ROBO2: variants seen among roughly 807,000 people sequenced by gnomAD.
ROBO2 encodes roundabout homolog 2.
Under a neutral mutation model 160.8 loss-of-function variants are expected in ROBO2, and 53 were observed. The ratio of observed to expected loss-of-function variants is 0.33; its 90% CI spans 0.26 to 0.41. ROBO2 has a LOEUF of 0.41. ROBO2 is among the 10% of genes least tolerant of loss of function. The pLI is 1.00. For synonymous variants in ROBO2, 664 were observed against 611.7 expected, an observed-to-expected ratio of 1.09 and a Z score of -1.26; for missense variants, 1,577 against 1,722.4, an observed-to-expected ratio of 0.92 and a Z score of 1.49.
intron 2 of ROBO2, among the ~76,000 whole-genome samples, chr3:77,461,302 G>A (rs1287779259): frequency 1.3e-5 from 2 of 151,752 alleles, no homozygotes; most frequent in African/African-American, 4.8e-5. Context: ...TTACCTCTCA[G>A]TATGCATTTT....
intron 2 of ROBO2, among the ~76,000 whole-genome samples, chr3:77,424,291 G>C (rs2077979348): frequency 6.6e-6 from 1 of 152,156 alleles, no homozygotes; most frequent in South Asian, 2.1e-4. Context: ...GAGAATGTGA[G>C]TAGGATGGTA....
chr3:76,770,134 A>C (rs1353674034), intron 2 of ROBO2, among the ~76,000 whole-genome samples: 1 of 151,460 alleles, frequency 6.6e-6, no homozygotes, highest in East Asian at 2.0e-4. Context: ...TTTAGACTGA[A>C]CATTATTCTG....
chr3:76,194,363 T>TATATATAC (rs1553672764), intron 2 of ROBO2, among the ~76,000 whole-genome samples: 22 of 118,636 alleles, frequency 1.9e-4, no homozygotes, highest in African/African-American at 7.3e-4. Flanking sequence ...AATATATATA[T>TATATATAC]ATATATATAT....
At chr3:77,561,030 C>T (rs1159770126) in intron 9 of ROBO2, among the ~76,000 whole-genome samples, 1 of 152,106 alleles carries the variant, frequency 6.6e-6, no homozygotes, top group Non-Finnish European at 1.5e-5. Context: ...CAATGGCTAT[C>T]CCCATCTTCC....
At position 76,283,136 on chromosome 3, in the gene ROBO2, G is replaced by GTATATATATATATATATACATATA. The variant is rs547807116; in HGVS notation, c.109+345550_109+345551insTACATATATATATATATATATATA. Among the ~76,000 whole-genome samples the GTATATATATATATATATACATATA allele has an allele frequency of 3.1e-5, 2 of 63,540 alleles. 1 individual carries two copies. The highest frequency in any genetic ancestry group is 6.8e-5 in the Non-Finnish European group (2 of 29,402). The allele number at this position is 63,540 out of a possible 152,430, so 41.7% of individuals were successfully genotyped here. A position where few individuals can be genotyped will look rare whatever the true frequency, so the allele number is the denominator to read the frequency against. On this transcript the variant is annotated intron_variant, in intron 2 of 26. Coordinates refer to the ROBO2 transcript ENST00000487694. ...GTTATATATGTATATATATAAAACT[G>GTATATATATATATATATACATATA]TATATATATATATATAAAACTACAT...
At chr3:76,817,653 C>A (rs548884713) in intron 2 of ROBO2, among the ~76,000 whole-genome samples, 1 of 151,692 alleles carries the variant, frequency 6.6e-6, no homozygotes, top group South Asian at 2.1e-4. Context: ...CCCCTTGCAC[C>A]CTTCCCCCTG....
intron 2 of ROBO2, among the ~76,000 whole-genome samples, chr3:75,961,371 T>C (rs1948905402): frequency 6.6e-6 from 1 of 151,820 alleles, no homozygotes; most frequent in East Asian, 2.0e-4. Context: ...ATTAAAAGAT[T>C]GTTATTAGCA....
intron 2 of ROBO2, among the ~76,000 whole-genome samples, chr3:77,373,563 T>C (rs2072135591): frequency 6.6e-6 from 1 of 152,056 alleles, no homozygotes; most frequent in African/African-American, 2.4e-5. Context: ...TCAAAAATAA[T>C]AGTGTTAATA....
intron 2 of ROBO2, among the ~76,000 whole-genome samples, chr3:76,745,657 C>T (rs748239237): frequency 3.3e-5 from 5 of 151,986 alleles, no homozygotes; most frequent in African/African-American, 4.8e-5. Context: ...TATCATTTTA[C>T]ACCTCTATGA....
chr3:77,051,017 C>CAAAA (rs5850308), intron 1 of ROBO2, among the ~76,000 whole-genome samples: 1 of 133,260 alleles, frequency 7.5e-6, no homozygotes, highest in African/African-American at 2.8e-5. Context: ...GACCCTGTCT[C>CAAAA]AAAAAAAAAA....
intron 1 of ROBO2, among the ~76,000 whole-genome samples, chr3:77,054,892 CAG>C (rs1260023881): frequency 6.6e-6 from 1 of 151,022 alleles, no homozygotes; most frequent in Non-Finnish European, 1.5e-5. Context: ...CAGCCAGTGA[CAG>C]AGAGGCGCCT....
intron 2 of ROBO2, among the ~76,000 whole-genome samples, chr3:76,854,229 A>G (rs2069791391): frequency 6.6e-6 from 1 of 152,094 alleles, no homozygotes; most frequent in Non-Finnish European, 1.5e-5. Flanking sequence ...AATCCATTGT[A>G]TGGATGAACC....
intron 2 of ROBO2, among the ~76,000 whole-genome samples, chr3:77,377,696 G>T (rs1440020772): frequency 2.6e-5 from 4 of 152,176 alleles, no homozygotes; most frequent in Non-Finnish European, 5.9e-5. Context: ...GTGACTGAAG[G>T]TTATTGACTT....
At chr3:76,634,490 C>T (rs147023809) in intron 2 of ROBO2, among the ~76,000 whole-genome samples, 1,596 of 152,068 alleles carry the variant, frequency 0.01, 30 homozygotes, top group African/African-American at 0.037. Flanking sequence ...ATCGCTTGAA[C>T]CTGGGAGGCA....
At chr3:76,142,274 T>C (rs1441342133) in intron 2 of ROBO2, among the ~76,000 whole-genome samples, 1 of 151,910 alleles carries the variant, frequency 6.6e-6, no homozygotes, top group East Asian at 1.9e-4. Context: ...TCAAAAAAAC[T>C]GAAAACTGAG....
At chr3:76,830,448 C>G (rs1452888054) in intron 2 of ROBO2, among the ~76,000 whole-genome samples, 1 of 152,006 alleles carries the variant, frequency 6.6e-6, no homozygotes, top group Admixed American at 6.6e-5. Flanking sequence ...AACAAAATAC[C>G]CTTTCCAATG....
intron 2 of ROBO2, among the ~76,000 whole-genome samples, chr3:76,022,497 A>G (rs527768321): frequency 2.0e-5 from 3 of 151,934 alleles, no homozygotes. Context: ...TCCTTGATTC[A>G]GCGGCTACAG....
chr3:77,256,999 C>T (rs2058462220), intron 2 of ROBO2, among the ~76,000 whole-genome samples: 1 of 152,132 alleles, frequency 6.6e-6, no homozygotes, highest in Admixed American at 6.5e-5. Flanking sequence ...CCCCTCAGCC[C>T]CATATCTCAG....
intron 1 of ROBO2, among the ~76,000 whole-genome samples, chr3:75,918,693 G>T (rs1378699170): frequency 6.6e-6 from 1 of 151,972 alleles, no homozygotes; most frequent in Non-Finnish European, 1.5e-5. Context: ...ATATGTTTGT[G>T]TCCTGTCATT....
Sources: gnomAD v4.1 joint callset for allele counts (sites outside exome capture counted in the v4.1 genomes callset) on GRCh38, gnomAD v4.1.1 for gene constraint, MANE v1.5 for transcripts, NCBI Gene and HGNC (gene_info 2026-07-23, HGNC 2026-07-21) for gene names.